Variants in SLC20A2 observed in about 807,000 individuals in gnomAD.
The protein encoded by SLC20A2 is sodium-dependent phosphate transporter 2.
Under a neutral mutation model 61.0 loss-of-function variants are expected in SLC20A2, and 30 were observed. The ratio of observed to expected loss-of-function variants is 0.49; its 90% CI spans 0.37 to 0.67. The LOEUF (loss-of-function observed/expected upper bound fraction) is 0.67. SLC20A2 is among the 30% of genes least tolerant of loss of function. The pLI is 0.00. For missense variants in SLC20A2, 626 were observed against 866.4 expected (o/e 0.72, Z 3.48); for synonymous variants, 351 against 353.3 (o/e 0.99, Z 0.07).
chr8:42,501,876 A>G (rs957038092), upstream of SLC20A2, among the ~76,000 whole-genome samples: 1 of 152,240 alleles, frequency 6.6e-6, no homozygotes, highest in Non-Finnish European at 1.5e-5. Flanking sequence ...GACCATCTAC[A>G]AAGCATGTTG....
At chr8:42,517,585 C>A (rs899892038) in intron 1 of SLC20A2, among the ~76,000 whole-genome samples, 4 of 152,050 alleles carry the variant, frequency 2.6e-5, no homozygotes, top group African/African-American at 7.2e-5. Flanking sequence ...GCCATCAATA[C>A]CATGTGGTTC....
At chr8:42,443,250 AATT>A (rs1236395206) in intron 6 of SLC20A2, among the ~76,000 whole-genome samples, 5 of 132,554 alleles carry the variant, frequency 3.8e-5, no homozygotes, top group East Asian at 4.3e-4. Flanking sequence ...ATAATAATAC[AATT>A]ATTATTATAG....
chr8:42,466,660 T>G (rs1256016297), intron 2 of SLC20A2, among the ~76,000 whole-genome samples: 1 of 151,926 alleles, frequency 6.6e-6, no homozygotes, highest in Admixed American at 6.6e-5. Flanking sequence ...ATGTTGCTTT[T>G]TTCTTTTCTT....
intron 6 of SLC20A2, among the ~76,000 whole-genome samples, chr8:42,439,957 C>A (rs898558753): frequency 1.2e-4 from 18 of 151,592 alleles, no homozygotes; most frequent in African/African-American, 4.4e-4. Flanking sequence ...TGGTGGCAGG[C>A]GCCTGTAATT....
chr8:42,518,023 C>T (rs1563543022), intron 1 of SLC20A2, among the ~76,000 whole-genome samples: 1 of 152,216 alleles, frequency 6.6e-6, no homozygotes, highest in Non-Finnish European at 1.5e-5. Context: ...TCACTGCAAC[C>T]TCCGCCTCCC....
At chr8:42,500,972 T>G (rs1449589979) in intron 1 of SLC20A2, 59 bp downstream of exon 1, 1 of 152,148 alleles carries the variant, frequency 6.6e-6, no homozygotes, top group Non-Finnish European at 1.5e-5. Flanking sequence ...ACGGTAACAT[T>G]AGGAAGATTT....
At chr8:42,489,042 C>T (rs1221290137) in intron 1 of SLC20A2, among the ~76,000 whole-genome samples, 6 of 148,168 alleles carry the variant, frequency 4.0e-5, no homozygotes, top group East Asian at 4.0e-4. Context: ...TAGGTTCAAG[C>T]GATTCTCCTG....
At chr8:42,465,964 G>A (rs1807126413) in intron 2 of SLC20A2, 47 bp from the exon 3 acceptor site, 1 of 1,520,192 alleles carries the variant, frequency 6.6e-7, no homozygotes, top group Non-Finnish European at 8.8e-7. Context: ...GTACAGAGGT[G>A]CAGACACCAA....
At position 42,472,034 on chromosome 8, in the gene SLC20A2, G is replaced by C; in HGVS notation, c.289+68C>G. On this transcript the variant is annotated intron_variant, in intron 2 of 10. Coordinates refer to ENST00000520262, the MANE Select transcript of SLC20A2 (RefSeq NM_001257180.2). This position sits in a 1 kb window ranked among gnomAD's most constrained non-coding sequence, Gnocchi z 4.1. ...AGCAAAAATCACATTTATGGATATG[G>C]GCAAAGTACTGCAGGGAAGCGGGTC... The C allele has an allele frequency of 7.0e-7, 1 of 1,435,008 alleles. No homozygotes were observed. The highest frequency in any genetic ancestry group is 1.2e-5 in the South Asian group (1 of 81,356). The allele number at this position is 1,435,008 out of a possible 1,614,324, so 88.9% of individuals were successfully genotyped here. A position where few individuals can be genotyped will look rare whatever the true frequency, so the allele number is the denominator to read the frequency against.
chr8:42,466,889 G>C (rs1034292157), intron 2 of SLC20A2, among the ~76,000 whole-genome samples: 1 of 152,032 alleles, frequency 6.6e-6, no homozygotes, highest in Non-Finnish European at 1.5e-5. Context: ...AGGCTGGTTT[G>C]GAACTCCTGG....
Position 42,514,831 on chromosome 8 carries a change from T to G in SLC20A2, c.-265+26990A>C, listed in dbSNP as rs1023168093. On this transcript the variant is annotated intron_variant, in intron 1 of 10. Coordinates refer to the SLC20A2 transcript ENST00000342228. ...TATGTCAAAAAACGTACATGTAATT[T>G]CTGGGGCTGATGAAGCTCTGTGAGT... Among the ~76,000 whole-genome samples the G allele has an allele frequency of 3.9e-5, 6 of 151,970 alleles. No homozygotes were observed. In the South Asian group the frequency reaches 6.2e-4, roughly 16 times the overall value.
At chr8:42,487,277 A>T (rs1809101795) in intron 1 of SLC20A2, among the ~76,000 whole-genome samples, 1 of 147,182 alleles carries the variant, frequency 6.8e-6, no homozygotes, top group Non-Finnish European at 1.5e-5. Flanking sequence ...TCCCGGGTTC[A>T]CGCCATTCTC....
intron 5 of SLC20A2, among the ~76,000 whole-genome samples, chr8:42,447,504 C>A (rs199559586): frequency 5.3e-5 from 8 of 151,732 alleles, no homozygotes; most frequent in African/African-American, 1.9e-4. Flanking sequence ...GGTGAAACCC[C>A]GTCTCTACTA....
At chr8:42,455,097 C>T (rs1249173503) in intron 5 of SLC20A2, among the ~76,000 whole-genome samples, 5 of 150,974 alleles carry the variant, frequency 3.3e-5, no homozygotes, top group Non-Finnish European at 5.9e-5. Flanking sequence ...TGGTGGCGTG[C>T]GTCTTGTAGT....
intron 1 of SLC20A2, among the ~76,000 whole-genome samples, chr8:42,516,465 C>T (rs980215492): frequency 2.6e-5 from 4 of 152,190 alleles, no homozygotes; most frequent in African/African-American, 9.7e-5. Context: ...TTGAAGGGTT[C>T]CCCAACCTGG....
intron 1 of SLC20A2, among the ~76,000 whole-genome samples, chr8:42,515,324 G>A (rs910479579): frequency 6.6e-6 from 1 of 152,138 alleles, no homozygotes; most frequent in Non-Finnish European, 1.5e-5. Context: ...TTTAGCATGA[G>A]CAAGGTGGGG....
At chr8:42,447,290 G>A (rs1230337755) in intron 5 of SLC20A2, among the ~76,000 whole-genome samples, 3 of 151,566 alleles carry the variant, frequency 2.0e-5, no homozygotes, top group African/African-American at 7.3e-5. Context: ...AGGCTGCAGT[G>A]AGCTATGATA....
chr8:42,526,509 T>TA (rs1811955328), intron 1 of SLC20A2, among the ~76,000 whole-genome samples: 1 of 151,846 alleles, frequency 6.6e-6, no homozygotes. Flanking sequence ...CCGTCTCTAC[T>TA]AAAAATACAA....
At chr8:42,440,926 G>A (rs891660337) in intron 6 of SLC20A2, among the ~76,000 whole-genome samples, 3 of 151,974 alleles carry the variant, frequency 2.0e-5, no homozygotes, top group Non-Finnish European at 4.4e-5. Context: ...TCAGCCTCCC[G>A]AGTAGCTGGG....
Sources: allele counts gnomAD v4.1 joint callset (sites outside exome capture counted in the v4.1 genomes callset), GRCh38; gene constraint gnomAD v4.1.1; non-coding constraint Gnocchi (gnomAD v3.1); transcripts MANE v1.5; gene names NCBI Gene and HGNC (gene_info 2026-07-23, HGNC 2026-07-21).